MYO15B: variants seen among roughly 807,000 people sequenced by gnomAD.
MYO15B encodes myosin XVB pseudogene.
Under a neutral mutation model 119.3 loss-of-function variants are expected in MYO15B, and 207 were observed. The ratio of observed to expected loss-of-function variants is 1.73; its 90% CI spans 1.55 to 1.95. The LOEUF is 1.95. MYO15B is among the 30% of genes most tolerant of loss of function. The probability of loss-of-function intolerance (pLI) is 0.00; values close to 1 mark genes in which losing one functional copy is unlikely to be tolerated. For missense variants in MYO15B, 2,264 were observed against 1,203.1 expected (o/e 1.88, Z -13.04); for synonymous variants, 966 against 498.9 (o/e 1.94, Z -12.48).
Position 75,616,798 on chromosome 17 carries a change from G to A in MYO15B, c.6506+13G>A, listed in dbSNP as rs761984946. ...TGCAGCCATCCAGGTGGGCCCCCACGGGGAGGTGGCCAGGGCTGTCCCGCT... is the reference window on the plus strand; with the variant it reads ...TGCAGCCATCCAGGTGGGCCCCCACAGGGAGGTGGCCAGGGCTGTCCCGCT... On this transcript the variant is annotated intron_variant, in intron 39 of 63. Coordinates refer to ENST00000645453, the Ensembl canonical transcript of MYO15B. 45 of 702,914 alleles carry A rather than the reference G, an allele frequency of 6.4e-5. 1 individual carries two copies. Among genetic ancestry groups the A allele is most frequent in the Middle Eastern group, 2.3e-4 (1 of 4,392 alleles). 43.5% of individuals were successfully genotyped at this position (702,914 alleles called of 1,614,324 possible).
rs2058357861 is a variant in MYO15B at position 75,616,154 on chromosome 17, G to A, written c.6109+7G>A. On this transcript the variant is annotated splice_region_variant and intron_variant, in intron 37 of 63. Coordinates refer to ENST00000645453, the Ensembl canonical transcript of MYO15B. Reference sequence around the variant, plus strand: ...AACTATTTCCAGAGGATGGGTGAGGGCACTTGGGGTGGCAGGACCGTGCAG... The same window carrying A: ...AACTATTTCCAGAGGATGGGTGAGGACACTTGGGGTGGCAGGACCGTGCAG... 3 of 566,412 alleles carry A rather than the reference G, an allele frequency of 5.3e-6. No homozygotes were observed. Among genetic ancestry groups the A allele is most frequent in the Admixed American group, 3.5e-5 (1 of 28,714 alleles). The allele number at this position is 566,412 out of a possible 1,614,324, so 35.1% of individuals were successfully genotyped here. A position where few individuals can be genotyped will look rare whatever the true frequency, so the allele number is the denominator to read the frequency against.
At chr17:75,603,606 C>T (rs1020188533) in intron 19 of MYO15B, among the ~76,000 whole-genome samples, 4 of 152,218 alleles carry the variant, frequency 2.6e-5, no homozygotes, top group African/African-American at 9.6e-5. Flanking sequence ...CAGTACCTGC[C>T]CTAGGCGGGG....
intron 41 of MYO15B, 24 bp downstream of exon 41, chr17:75,617,328 G>A (rs774647353): frequency 1.5e-5 from 9 of 607,192 alleles, no homozygotes; most frequent in East Asian, 1.1e-4. Context: ...TTTCTCCTGC[G>A]CCGTGGGCTT....
intron 9 of MYO15B, among the ~76,000 whole-genome samples, chr17:75,594,183 T>A (rs2056690810): frequency 6.6e-6 from 1 of 151,800 alleles, no homozygotes; most frequent in Non-Finnish European, 1.5e-5. Context: ...TCTAATTTAG[T>A]TTGCAAGACA....
In MYO15B at chr17:75,621,332, C is replaced by T. The variant is rs932173431; in HGVS notation, c.7872-13C>T. The T allele has an allele frequency of 1.3e-5, 9 of 695,222 alleles. No individual in the cohort carries two copies. The highest frequency in any genetic ancestry group is 1.8e-5 in the Non-Finnish European group (7 of 379,480). The allele number at this position is 695,222 out of a possible 1,614,324, so 43.1% of individuals were successfully genotyped here. ...GCCAAACAAGCTGGGCTGTCTCCCT[C>T]TGCCCCCCACAGGCTGGGCCAGACT... On this transcript the variant is annotated splice_polypyrimidine_tract_variant and intron_variant, in intron 50 of 63. Transcript: ENST00000645453.
At chr17:75,605,160 G>A (rs1287884416) in intron 19 of MYO15B, among the ~76,000 whole-genome samples, 4 of 151,316 alleles carry the variant, frequency 2.6e-5, no homozygotes, top group African/African-American at 4.9e-5. Flanking sequence ...CAAAAAGGCC[G>A]GGCGCAGTGG....
chr17:75,615,701 G>A, exon 36 of MYO15B: 3 of 683,302 alleles, frequency 4.4e-6, no homozygotes, highest in Non-Finnish European at 8.0e-6. Flanking sequence ...AGGCCCAGCA[G>A]ATGACAGCCC....
intron 9 of MYO15B, among the ~76,000 whole-genome samples, chr17:75,593,726 C>T (rs2056641389): frequency 6.6e-6 from 1 of 151,576 alleles, no homozygotes; most frequent in South Asian, 2.1e-4. Flanking sequence ...TCGAGACCAG[C>T]CTGACCAATA....
chr17:75,612,724 G>A, intron 25 of MYO15B, 74 bp from the exon 26 acceptor site: 1 of 693,884 alleles, frequency 1.4e-6, no homozygotes, highest in Admixed American at 2.1e-5. Flanking sequence ...CTCCCGAGGT[G>A]CCTGCTCCGG....
chr17:75,616,168 A>G (rs1334565515), intron 37 of MYO15B, 21 bp downstream of exon 37: 3 of 567,640 alleles, frequency 5.3e-6, no homozygotes, highest in Non-Finnish European at 9.3e-6. Context: ...TTGGGGTGGC[A>G]GGACCGTGCA....
In MYO15B at chr17:75,626,807, T is replaced by G. The variant is rs114791297; in HGVS notation, c.*323T>G. 32 of 484,888 alleles carry G rather than the reference T, an allele frequency of 6.6e-5. 1 individual carries two copies. Among genetic ancestry groups the G allele is most frequent in the East Asian group, 4.4e-4 (12 of 27,254 alleles). The allele number at this position is 484,888 out of a possible 1,614,324, so 30.0% of individuals were successfully genotyped here. A position where few individuals can be genotyped will look rare whatever the true frequency, so the allele number is the denominator to read the frequency against. On this transcript the variant is annotated 3_prime_UTR_variant, in exon 64 of 64. Transcript: ENST00000645453. Reference sequence around the variant, plus strand: ...CCCCACATTAGCACAAGCCCAGGCATGGGAGAAACAGCTGCTGAGGAAATA... The same window carrying G: ...CCCCACATTAGCACAAGCCCAGGCAGGGGAGAAACAGCTGCTGAGGAAATA...
Position 75,619,464 on chromosome 17 carries a change from CT to C in MYO15B, c.7173del (p.Pro2392LeufsTer13). The C allele has an allele frequency of 2.8e-6, 2 of 702,622 alleles. No individual in the cohort carries two copies. The highest frequency in any genetic ancestry group is 5.2e-6 in the Non-Finnish European group (2 of 384,916). 43.5% of individuals were successfully genotyped at this position (702,622 alleles called of 1,614,324 possible). On this transcript the variant is annotated frameshift_variant, in exon 45 of 64. Transcript: ENST00000645453. LOFTEE classifies it high-confidence loss of function. ...ACTGGGCCAATTACTTCTCCCGCTT[CT>C]TTCCTGTCTCGGTCAGTGGCGCTGG...
chr17:75,624,880 C>T lies in MYO15B; in HGVS notation c.8652C>T (p.Phe2884=), dbSNP rs575992558. ...TCCACTGGGAGACCCCACTGCACTT[C>T]GATAACTCCACCTACATCAGCACCC... Residue 2884 remains phenylalanine (F), a synonymous_variant, in exon 59 of 64, where the codon TTC becomes TTT. Coordinates refer to ENST00000645453, the Ensembl canonical transcript of MYO15B. 2.8e-4 allele frequency: 197 copies of T among 703,034 alleles called. 1 individual carries two copies. In the East Asian group the frequency reaches 3.6e-3, roughly 13 times the overall value. 43.5% of individuals were successfully genotyped at this position (703,034 alleles called of 1,614,324 possible).
exon 61 of MYO15B, chr17:75,625,594 C>T (rs564022563): frequency 1.4e-6 from 1 of 702,932 alleles, no homozygotes. Flanking sequence ...CATCAAGAAC[C>T]TGATGGGTCA....
chr17:75,611,699 A>C, intron 24 of MYO15B, 41 bp downstream of exon 24: 1 of 702,508 alleles, frequency 1.4e-6, no homozygotes, highest in Non-Finnish European at 2.6e-6. Context: ...CTCCTTCTCC[A>C]GTCCCTTTAC....
Position 75,589,281 on chromosome 17 carries a change from C to A in MYO15B, c.1224C>A (p.Arg408=), listed in dbSNP as rs1392576173. 2.5e-6 allele frequency: 1 copy of A among 395,286 alleles called. No individual in the cohort carries two copies. Among genetic ancestry groups the A allele is most frequent in the Non-Finnish European group, 4.4e-6 (1 of 224,872 alleles). The allele number at this position is 395,286 out of a possible 1,614,324, so 24.5% of individuals were successfully genotyped here. Residue 408 remains arginine, a synonymous_variant, in exon 1 of 64, where the codon CGC becomes CGA. Transcript: ENST00000645453. The surrounding 1 kb of genome is among the most constrained non-coding windows in gnomAD (Gnocchi z 4.2). The stretch of plus-strand genomic sequence containing the variant: ...CACGGGCGAGCGAGGGGTGGGGCCG[C>A]CGGAAACCGGACGAGGGGCGGGGTC...
chr17:75,621,423 G>C lies in MYO15B; in HGVS notation c.7935+15G>C. 4 of 699,830 alleles carry C rather than the reference G, an allele frequency of 5.7e-6. No homozygotes were observed. Among genetic ancestry groups the C allele is most frequent in the Non-Finnish European group, 1.0e-5 (4 of 382,508 alleles). The allele number at this position is 699,830 out of a possible 1,614,324, so 43.4% of individuals were successfully genotyped here. A position where few individuals can be genotyped will look rare whatever the true frequency, so the allele number is the denominator to read the frequency against. On this transcript the variant is annotated intron_variant, in intron 51 of 63. Coordinates refer to ENST00000645453, the Ensembl canonical transcript of MYO15B. The stretch of plus-strand genomic sequence containing the variant: ...AGTACACCAAGGTGGGAGAGAGGCA[G>C]GGAGGGGTCTGGCCCGTAGATCTGC...
chr17:75,625,577 C>T (rs374597823), exon 61 of MYO15B: 34 of 702,900 alleles, frequency 4.8e-5, no homozygotes, highest in African/African-American at 2.3e-4. Flanking sequence ...CAGGTGAACA[C>T]GGCCTCCATC....
intron 9 of MYO15B, among the ~76,000 whole-genome samples, chr17:75,594,109 A>G (rs2056682201): frequency 1.3e-5 from 2 of 150,648 alleles, no homozygotes; most frequent in African/African-American, 2.5e-5. Context: ...AAAAAAGAAA[A>G]AAAAAAATCA....
Sources: allele counts gnomAD v4.1 joint callset (sites outside exome capture counted in the v4.1 genomes callset), GRCh38; gene constraint gnomAD v4.1.1; non-coding constraint Gnocchi (gnomAD v3.1); transcripts MANE v1.5; gene names NCBI Gene and HGNC (gene_info 2026-07-23, HGNC 2026-07-21).